Variants in ZBTB7C observed in about 807,000 individuals in gnomAD.
The protein encoded by ZBTB7C is zinc finger and BTB domain containing 7C.
In ZBTB7C, 8 loss-of-function variants were observed where a neutral mutation model predicts 25.7. The ratio of observed to expected loss-of-function variants is 0.31; its 90% confidence interval spans 0.18 to 0.56. The LOEUF (loss-of-function observed/expected upper bound fraction) is 0.56, where lower values mean the gene tolerates loss of function less well. Ranked by LOEUF, ZBTB7C falls within the 20% of genes least tolerant of loss-of-function variation. The pLI, the probability that ZBTB7C is intolerant of heterozygous loss-of-function variation, is 0.91. For synonymous variants in ZBTB7C, 394 were observed against 369.0 expected (o/e 1.07, Z -0.78); for missense variants, 824 against 855.2 (o/e 0.96, Z 0.46).
chr18:48,173,443 C>T (rs533485875), intron 3 of ZBTB7C, among the ~76,000 whole-genome samples: 71 of 152,294 alleles, frequency 4.7e-4, no homozygotes, highest in African/African-American at 1.6e-3. Context: ...CTTCTAGCAC[C>T]GCACCACTCC....
intron 1 of ZBTB7C, among the ~76,000 whole-genome samples, chr18:48,381,039 G>A (rs529563091): frequency 5.4e-4 from 82 of 152,306 alleles, no homozygotes; most frequent in African/African-American, 1.9e-3. Flanking sequence ...GGAAAATTAT[G>A]TCCAAGCTAA....
Position 48,096,430 on chromosome 18 carries a change from G to T in ZBTB7C, c.-16-55307C>A, listed in dbSNP as rs2038636170. Among the ~76,000 whole-genome samples, 3 of 152,112 alleles carry T rather than the reference G, an allele frequency of 2.0e-5. No individual in the cohort carries two copies. In the South Asian group the frequency reaches 6.2e-4, roughly 32 times the overall value. On this transcript the variant is annotated intron_variant, in intron 3 of 4. Transcript: ENST00000590800. The stretch of plus-strand genomic sequence containing the variant: ...GAAATGGGCATCCTGATGACATCAG[G>T]GTGGCCACTGATTGCTTCCTGTGCT...
rs140649962 is a variant in ZBTB7C, at chr18:48,199,518, T to C, written c.-78-13523A>G. The stretch of plus-strand genomic sequence containing the variant: ...CTCACTTTATGGATGCATTATCTCC[T>C]CTTATCTCTCTGAGGACATCAATTA... On this transcript the variant is annotated intron_variant, in intron 2 of 4. Transcript: ENST00000590800. 7.5e-4 allele frequency among the ~76,000 whole-genome samples: 114 copies of C among 152,362 alleles called. 1 individual carries two copies. In the East Asian group the frequency reaches 0.022, roughly 29 times the overall value.
chr18:48,083,903 T>G (rs1173053319), intron 3 of ZBTB7C: 41 of 985,282 alleles, frequency 4.2e-5, no homozygotes, highest in Non-Finnish European at 1.2e-6. Context: ...TGGACCCATT[T>G]GGTGAACTTC....
chr18:48,263,255 G>A (rs368961336), intron 2 of ZBTB7C, among the ~76,000 whole-genome samples: 290 of 152,316 alleles, frequency 1.9e-3, no homozygotes, highest in Middle Eastern at 6.8e-3. Context: ...CTCAGCCCAC[G>A]TGGATCTTTC....
intron 1 of ZBTB7C, among the ~76,000 whole-genome samples, chr18:48,374,924 A>G (rs1000449813): frequency 1.3e-5 from 2 of 152,152 alleles, no homozygotes; most frequent in African/African-American, 4.8e-5. Flanking sequence ...GAGAGTTCAT[A>G]CTGGCGGAAT....
intron 3 of ZBTB7C, among the ~76,000 whole-genome samples, chr18:48,172,786 C>T (rs1006093278): frequency 1.3e-5 from 2 of 152,178 alleles, no homozygotes; most frequent in African/African-American, 2.4e-5. Context: ...TGGGAAGGGC[C>T]GCCTGGTCCT....
At chr18:48,199,933 G>A (rs1184547107) in intron 2 of ZBTB7C, among the ~76,000 whole-genome samples, 3 of 152,144 alleles carry the variant, frequency 2.0e-5, no homozygotes, top group Non-Finnish European at 2.9e-5. Flanking sequence ...AAAACTGCAC[G>A]CTGAGTGGTG....
intron 4 of ZBTB7C, 32 bp downstream of exon 4, chr18:48,039,868 C>T (rs755121564): frequency 3.4e-5 from 54 of 1,602,648 alleles, no homozygotes; most frequent in African/African-American, 6.7e-5. Flanking sequence ...CCTCTGGCCC[C>T]GTGCCCCACA....
chr18:48,054,546 C>T (rs1220192281), intron 3 of ZBTB7C, among the ~76,000 whole-genome samples: 1 of 152,148 alleles, frequency 6.6e-6, no homozygotes, highest in African/African-American at 2.4e-5. Flanking sequence ...AATTTAGAGA[C>T]GAGGTCCAGC....
intron 3 of ZBTB7C, among the ~76,000 whole-genome samples, chr18:48,127,174 G>A (rs370258862): frequency 2.0e-5 from 3 of 152,168 alleles, no homozygotes; most frequent in African/African-American, 7.2e-5. Context: ...TAAGTAACTA[G>A]TCCAAGGCCA....
At chr18:48,350,345 A>G (rs2046836257) in intron 1 of ZBTB7C, among the ~76,000 whole-genome samples, 1 of 152,196 alleles carries the variant, frequency 6.6e-6, no homozygotes, top group East Asian at 1.9e-4. Flanking sequence ...CGTCAAAGCT[A>G]GAAGCATAGC....
intron 1 of ZBTB7C, among the ~76,000 whole-genome samples, chr18:48,392,738 G>A (rs1049034035): frequency 2.0e-5 from 3 of 152,200 alleles, no homozygotes; most frequent in Non-Finnish European, 4.4e-5. Context: ...AATTGCTCTG[G>A]AGCCGAGGGA....
At chr18:48,158,698 G>T (rs747034500) in intron 3 of ZBTB7C, among the ~76,000 whole-genome samples, 29 of 152,170 alleles carry the variant, frequency 1.9e-4, no homozygotes, top group Non-Finnish European at 3.5e-4. Flanking sequence ...CAGTGAAGTA[G>T]AGTGTTCTAT....
intron 2 of ZBTB7C, among the ~76,000 whole-genome samples, chr18:48,223,734 T>C (rs1291078732): frequency 6.6e-6 from 1 of 152,222 alleles, no homozygotes; most frequent in Non-Finnish European, 1.5e-5. Flanking sequence ...TTTAACCTGA[T>C]GTTCTGTATG....
At chr18:48,036,976 C>G (rs2036000488) in intron 4 of ZBTB7C, among the ~76,000 whole-genome samples, 1 of 152,080 alleles carries the variant, frequency 6.6e-6, no homozygotes, top group Admixed American at 6.5e-5. Context: ...AAGCAAAGGC[C>G]CAGTGATTCT....
At chr18:48,399,923 C>T (rs994559588) in intron 1 of ZBTB7C, among the ~76,000 whole-genome samples, 10 of 152,160 alleles carry the variant, frequency 6.6e-5, no homozygotes, top group African/African-American at 2.4e-4. Flanking sequence ...CACATCCTCT[C>T]TTGACAGGCC....
rs535303875 is a variant in ZBTB7C, at chr18:48,272,052, C to A, written c.-79+66122G>T. ...AATGATATCATTGCTCATGATGCACCTCATGATGGTTAATTTTTTTATGTG... is the reference window on the plus strand; with the variant it reads ...AATGATATCATTGCTCATGATGCACATCATGATGGTTAATTTTTTTATGTG... On this transcript the variant is annotated intron_variant, in intron 2 of 4. Coordinates refer to ENST00000590800, the MANE Select transcript of ZBTB7C (RefSeq NM_001318841.2). 1.4e-4 allele frequency among the ~76,000 whole-genome samples: 21 copies of A among 152,242 alleles called. No homozygotes were observed. The South Asian group carries it at 4.2e-3, about 30-fold the overall frequency.
In ZBTB7C at chr18:48,139,959, G is replaced by C. The variant is rs2040292286; in HGVS notation, c.-17+45975C>G. Among the ~76,000 whole-genome samples the C allele has an allele frequency of 2.6e-5, 4 of 151,896 alleles. No individual in the cohort carries two copies. The South Asian group carries it at 8.3e-4, about 32-fold the overall frequency. On this transcript the variant is annotated intron_variant, in intron 3 of 4. Coordinates refer to ENST00000590800, the MANE Select transcript of ZBTB7C (RefSeq NM_001318841.2). Reference sequence around the variant, plus strand: ...TAGCCCTTCTCAGCCCCCACCTCTGGCTCCCCGCCTTCCCGGTTCAGGTCA... The same window carrying C: ...TAGCCCTTCTCAGCCCCCACCTCTGCCTCCCCGCCTTCCCGGTTCAGGTCA...
Sources: gnomAD v4.1 joint callset for allele counts (sites outside exome capture counted in the v4.1 genomes callset) on GRCh38, gnomAD v4.1.1 for gene constraint, MANE v1.5 for transcripts, NCBI Gene and HGNC (gene_info 2026-07-23, HGNC 2026-07-21) for gene names.